Variants in WASF3 observed in about 807,000 individuals in gnomAD.
WASF3 encodes the protein WASP family member 3.
WASF3 carries 11 observed loss-of-function variants against 46.6 expected under a neutral mutation model. That is an observed-to-expected ratio of 0.24 (90% CI 0.15 to 0.39). WASF3 has a LOEUF of 0.39. WASF3 is among the 10% of genes least tolerant of loss of function. The pLI is 1.00. For missense variants in WASF3, 576 were observed against 669.8 expected (o/e 0.86, Z 1.55); for synonymous variants, 242 against 259.7 (o/e 0.93, Z 0.65).
intron 1 of WASF3, among the ~76,000 whole-genome samples, chr13:26,575,590 AG>A (rs1366089468): frequency 6.6e-6 from 1 of 152,234 alleles, no homozygotes; most frequent in Admixed American, 6.5e-5. Context: ...GAAAGGGATT[AG>A]AACCCTCAGG....
upstream of WASF3, among the ~76,000 whole-genome samples, chr13:26,553,888 T>A (rs1280915314): frequency 6.6e-6 from 1 of 152,006 alleles, no homozygotes. Context: ...TGTAATTGGA[T>A]AAAGGTATAT....
intron 2 of WASF3, among the ~76,000 whole-genome samples, chr13:26,637,401 C>T (rs184280299): frequency 6.6e-6 from 1 of 152,284 alleles, no homozygotes; most frequent in East Asian, 1.9e-4. Flanking sequence ...CTGCATACTT[C>T]ACTTGCCTTG....
chr13:26,666,231 C>T (rs1882767079), intron 4 of WASF3, among the ~76,000 whole-genome samples: 1 of 152,196 alleles, frequency 6.6e-6, no homozygotes, highest in African/African-American at 2.4e-5. Context: ...GAATTCTTAA[C>T]ATTTTAAACC....
rs200299739 is a variant in WASF3 at position 26,578,993 on chromosome 13, C to CTTTTTTTTTTTTTTTTTTTTTTTTTTTTT, written c.-109+21197_-109+21198insTTTTTTTTTTTTTTTTTTTTTTTTTTTTT. 8.6e-4 allele frequency among the ~76,000 whole-genome samples: 52 copies of CTTTTTTTTTTTTTTTTTTTTTTTTTTTTT among 60,638 alleles called. 13 individuals carry two copies. The highest frequency in any genetic ancestry group is 4.4e-3 in the East Asian group (6 of 1,352). The allele number at this position is 60,638 out of a possible 152,430, so 39.8% of individuals were successfully genotyped here. ...ACCTTATATTCTTGGGATACATTTCCTTTTTTTTTTTTTTTTTTTTTTTGT... is the reference window on the plus strand; with the variant it reads ...ACCTTATATTCTTGGGATACATTTCCTTTTTTTTTTTTTTTTTTTTTTTTTTTTTTTTTTTTTTTTTTTTTTTTTTTTGT... On this transcript the variant is annotated intron_variant, in intron 1 of 9. Coordinates refer to ENST00000335327, the MANE Select transcript of WASF3 (RefSeq NM_006646.6).
intron 1 of WASF3, among the ~76,000 whole-genome samples, chr13:26,572,366 T>C (rs990078465): frequency 6.6e-6 from 1 of 152,184 alleles, no homozygotes; most frequent in Admixed American, 6.5e-5. Context: ...ACTAATTCAT[T>C]CTTGTTCTGT....
intron 1 of WASF3, among the ~76,000 whole-genome samples, chr13:26,562,682 T>A (rs951754499): frequency 1.3e-5 from 2 of 151,840 alleles, no homozygotes; most frequent in Non-Finnish European, 2.9e-5. Flanking sequence ...CCTGAGGACA[T>A]GATGAATGAT....
chr13:26,549,073 C>G, the WASF3 span, among the ~76,000 whole-genome samples: 5 of 151,656 alleles, frequency 3.3e-5, no homozygotes, highest in Non-Finnish European at 7.4e-5. Flanking sequence ...CCTCCGACTC[C>G]CTGGTTCAAG....
At chr13:26,658,157 G>T (rs1159299690) in intron 3 of WASF3, among the ~76,000 whole-genome samples, 1 of 152,138 alleles carries the variant, frequency 6.6e-6, no homozygotes, top group African/African-American at 2.4e-5. Context: ...TAGTCTTGGT[G>T]TATATGCTGT....
At chr13:26,612,298 C>A (rs1453876657) in intron 1 of WASF3, among the ~76,000 whole-genome samples, 1 of 152,166 alleles carries the variant, frequency 6.6e-6, no homozygotes, top group African/African-American at 2.4e-5. Flanking sequence ...ATGTATTCTT[C>A]CCAAGTAGAC....
chr13:26,601,947 C>A (rs923925581), intron 1 of WASF3, among the ~76,000 whole-genome samples: 2 of 152,182 alleles, frequency 1.3e-5, no homozygotes, highest in African/African-American at 2.4e-5. Flanking sequence ...TGCTTGTCTG[C>A]CGACAGGGAG....
upstream of WASF3, among the ~76,000 whole-genome samples, chr13:26,553,296 G>A (rs996522733): frequency 6.6e-5 from 10 of 152,066 alleles, no homozygotes; most frequent in African/African-American, 2.4e-4. Flanking sequence ...TACCAGCATC[G>A]TATACCAGGT....
In WASF3 at chr13:26,599,184, C is replaced by CTTTTTTTTTT. The variant is rs57148941; in HGVS notation, c.-108-13769_-108-13760dup. The stretch of plus-strand genomic sequence containing the variant: ...GCCTGCCCTGCTCTTCTTTTCATTT[C>CTTTTTTTTTT]TTTTTTTTTTTTTTTTTGAGACGGA... On this transcript the variant is annotated intron_variant, in intron 1 of 9. Coordinates refer to ENST00000335327, the MANE Select transcript of WASF3 (RefSeq NM_006646.6). 1.0e-4 allele frequency among the ~76,000 whole-genome samples: 12 copies of CTTTTTTTTTT among 118,282 alleles called. 1 individual carries two copies. Among genetic ancestry groups the CTTTTTTTTTT allele is most frequent in the East Asian group, 2.5e-4 (1 of 3,956 alleles). 77.6% of individuals were successfully genotyped at this position (118,282 alleles called of 152,430 possible).
intron 2 of WASF3, among the ~76,000 whole-genome samples, chr13:26,631,718 G>A (rs577273983): frequency 4.0e-4 from 61 of 152,278 alleles, no homozygotes; most frequent in African/African-American, 1.5e-3. Flanking sequence ...GAAAGTCATT[G>A]GTAGCTTGAT....
At chr13:26,642,898 A>T (rs1280133744) in intron 3 of WASF3, among the ~76,000 whole-genome samples, 1 of 152,210 alleles carries the variant, frequency 6.6e-6, no homozygotes, top group Non-Finnish European at 1.5e-5. Context: ...AGATTTGCTG[A>T]TTTTAACCTA....
intron 3 of WASF3, 69 bp downstream of exon 3, chr13:26,642,472 A>G (rs1269731052): frequency 3.3e-6 from 5 of 1,494,290 alleles, no homozygotes; most frequent in East Asian, 2.4e-5. Flanking sequence ...TAATAGTTAA[A>G]TGATTGTCCA....
Position 26,627,958 on chromosome 13 carries a change from G to C in WASF3, c.-10-14303G>C, listed in dbSNP as rs188354561. On this transcript the variant is annotated intron_variant, in intron 2 of 9. Coordinates refer to ENST00000335327, the MANE Select transcript of WASF3 (RefSeq NM_006646.6). ...TGTATTTTAAAACATTGCCATGCTT[G>C]AACGAATCAGCAATCTTCCCTAGGT... Among the ~76,000 whole-genome samples, 690 of 151,822 alleles carry C rather than the reference G, an allele frequency of 4.5e-3. 17 individuals carry two copies. Among genetic ancestry groups the C allele is most frequent in the Admixed American group, 0.039 (597 of 15,234 alleles).
chr13:26,605,197 A>G (rs1468621849), intron 1 of WASF3, among the ~76,000 whole-genome samples: 5 of 152,196 alleles, frequency 3.3e-5, no homozygotes, highest in African/African-American at 9.7e-5. Flanking sequence ...ATTTGTATTT[A>G]ATGATGGTAG....
chr13:26,575,435 T>C (rs529305056), intron 1 of WASF3, among the ~76,000 whole-genome samples: 4 of 152,328 alleles, frequency 2.6e-5, no homozygotes, highest in African/African-American at 9.6e-5. Flanking sequence ...ATCCCTTGTT[T>C]AGATGGAGCT....
chr13:26,577,722 GAA>G (rs565519419), intron 1 of WASF3: 18 of 582,898 alleles, frequency 3.1e-5, no homozygotes, highest in Middle Eastern at 4.6e-4. Context: ...CCTATTTGTG[GAA>G]AAAAAAAAAT....
Sources: allele counts gnomAD v4.1 joint callset (sites outside exome capture counted in the v4.1 genomes callset), GRCh38; gene constraint gnomAD v4.1.1; transcripts MANE v1.5; gene names NCBI Gene and HGNC (gene_info 2026-07-23, HGNC 2026-07-21).